Variants in SLC4A7 observed in about 807,000 individuals in gnomAD.
The protein encoded by SLC4A7 is solute carrier family 4 member 7, also known as sodium bicarbonate cotransporter 3.
Under a neutral mutation model 137.6 loss-of-function variants are expected in SLC4A7, and 51 were observed. The ratio of observed to expected loss-of-function variants is 0.37; its 90% CI spans 0.30 to 0.47. SLC4A7 has a LOEUF of 0.47. SLC4A7 is among the 20% of genes least tolerant of loss of function. SLC4A7 has a pLI of 1.00. For synonymous variants in SLC4A7, 542 were observed against 518.6 expected (o/e 1.05, Z -0.61); for missense variants, 1,247 against 1,525.4 (o/e 0.82, Z 3.04).
At chr3:27,478,877 C>T (rs1269809514) in intron 1 of SLC4A7, among the ~76,000 whole-genome samples, 1 of 150,754 alleles carries the variant, frequency 6.6e-6, no homozygotes, top group Non-Finnish European at 1.5e-5. Context: ...TGGTGGCACA[C>T]CCCTGTAATC....
chr3:27,398,604 C>G (rs2052440489), intron 16 of SLC4A7, among the ~76,000 whole-genome samples: 1 of 152,064 alleles, frequency 6.6e-6, no homozygotes. Flanking sequence ...AGTATTTTGC[C>G]AAGTCACTTC....
chr3:27,434,599 T>C (rs2056590325), intron 5 of SLC4A7, among the ~76,000 whole-genome samples: 1 of 152,032 alleles, frequency 6.6e-6, no homozygotes, highest in Non-Finnish European at 1.5e-5. Context: ...CTTCGAGAGG[T>C]AGAGAAACCA....
In SLC4A7 at chr3:27,394,725, C is replaced by A. The variant is rs1007487208; in HGVS notation, c.2910G>T (p.Met970Ile). The A allele has an allele frequency of 5.6e-6, 9 of 1,614,208 alleles. No homozygotes were observed. The highest frequency in any genetic ancestry group is 7.6e-6 in the Non-Finnish European group (9 of 1,180,024). ...GTCCCATGACAGAGCAAACTCCCAA[C>A]ATAACGCCAACCATGAGCAAATCAA... is the stretch of plus-strand genomic sequence containing the variant. ...YHLDLLMVGV[M>I]LGVCSVMGLP... is the part of the protein sequence containing the mutation. Residue 970 changes from methionine (M) to isoleucine (I), a missense_variant, in exon 20 of 26, where the codon ATG becomes ATT. Met to Ile is a conservative substitution (Grantham distance 10). Transcript: ENST00000454389.
chr3:27,460,236 G>T (rs963605554), intron 1 of SLC4A7, among the ~76,000 whole-genome samples: 3 of 151,880 alleles, frequency 2.0e-5, no homozygotes, highest in Non-Finnish European at 4.4e-5. Context: ...GTTTCTCCAT[G>T]TTGGCTAGGC....
intron 16 of SLC4A7, among the ~76,000 whole-genome samples, chr3:27,400,273 A>C (rs752469555): frequency 1.3e-5 from 2 of 152,148 alleles, no homozygotes; most frequent in Non-Finnish European, 2.9e-5. Flanking sequence ...TCTTCCCTTA[A>C]TGTTCGACCC....
Position 27,376,626 on chromosome 3 carries a change from C to T in SLC4A7, c.*138G>A. ...TACATAGTCTCCACGGTGCTCATTA[C>T]AAACTCCAGACACTACTTTTAAAAA... is the stretch of plus-strand genomic sequence containing the variant. On this transcript the variant is annotated 3_prime_UTR_variant, in exon 26 of 26. Transcript: ENST00000454389. 1 of 502,218 alleles carries T rather than the reference C, an allele frequency of 2.0e-6. No individual in the cohort carries two copies. Among genetic ancestry groups the T allele is most frequent in the Non-Finnish European group, 3.6e-6 (1 of 278,378 alleles). The allele number at this position is 502,218 out of a possible 1,614,324, so 31.1% of individuals were successfully genotyped here.
chr3:27,436,323 T>C (rs2056737172), intron 5 of SLC4A7, 65 bp downstream of exon 5: 9 of 1,223,438 alleles, frequency 7.4e-6, no homozygotes, highest in Non-Finnish European at 1.1e-5. Context: ...AGCATATAGT[T>C]GTTAAATGAA....
Position 27,375,655 on chromosome 3 carries a change from TTACTC to T in SLC4A7, c.*1104_*1108del, listed in dbSNP as rs1394573051. ...AGCACCAACTATTTACATTAACAAT[TTACTC>T]TATTTGTTACTTTTCCAAATGTTTA... On this transcript the variant is annotated 3_prime_UTR_variant, in exon 26 of 26. Coordinates refer to ENST00000454389, the MANE Select transcript of SLC4A7 (RefSeq NM_001321103.2). 6.6e-5 allele frequency: 10 copies of T among 152,418 alleles called. No individual in the cohort carries two copies. The highest frequency in any genetic ancestry group is 2.1e-4 in the South Asian group (1 of 4,828). 9.4% of individuals were successfully genotyped at this position (152,418 alleles called of 1,614,324 possible).
chr3:27,405,118 T>C (rs1028636866), intron 13 of SLC4A7, among the ~76,000 whole-genome samples, 155 bp from the exon 14 acceptor site: 1 of 152,148 alleles, frequency 6.6e-6, no homozygotes, highest in African/African-American at 2.4e-5. Flanking sequence ...ATATAAAAAA[T>C]TACAAATACA....
intron 12 of SLC4A7, among the ~76,000 whole-genome samples, chr3:27,409,751 G>A (rs34098124): frequency 1.2e-4 from 19 of 152,086 alleles, no homozygotes; most frequent in Middle Eastern, 3.4e-3. Flanking sequence ...TGTATTTTAC[G>A]GACTATATAA....
At chr3:27,461,235 C>A (rs1021886254) in intron 1 of SLC4A7, among the ~76,000 whole-genome samples, 16 of 138,374 alleles carry the variant, frequency 1.2e-4, no homozygotes, top group South Asian at 4.7e-4. Context: ...CACACACACA[C>A]AAAACACATT....
Position 27,427,261 on chromosome 3 carries a change from T to C in SLC4A7, c.1151-3109A>G, listed in dbSNP as rs191938316. On this transcript the variant is annotated intron_variant, in intron 7 of 25. Coordinates refer to ENST00000454389, the MANE Select transcript of SLC4A7 (RefSeq NM_001321103.2). ...GCCTAAAATGTCAATAGTGCCAAGATTGAGAACCACTGAGTTAGAAAAAGG... is the reference window on the plus strand; with the variant it reads ...GCCTAAAATGTCAATAGTGCCAAGACTGAGAACCACTGAGTTAGAAAAAGG... Among the ~76,000 whole-genome samples the C allele has an allele frequency of 1.1e-3, 173 of 152,016 alleles. 2 individuals are homozygous for C. The highest frequency in any genetic ancestry group is 6.6e-3 in the East Asian group (34 of 5,160).
intron 3 of SLC4A7, among the ~76,000 whole-genome samples, chr3:27,438,303 G>C (rs539368425): frequency 6.6e-6 from 1 of 150,560 alleles, no homozygotes; most frequent in Non-Finnish European, 1.5e-5. Flanking sequence ...TCAGCAGTTG[G>C]AGACCAACCT....
chr3:27,411,547 C>T (rs1049524112), intron 12 of SLC4A7, 95 bp downstream of exon 12: 2 of 519,260 alleles, frequency 3.9e-6, no homozygotes, highest in South Asian at 7.8e-5. Flanking sequence ...AAATACTGTA[C>T]AAGATTAGGT....
intron 12 of SLC4A7, 44 bp from the exon 13 acceptor site, chr3:27,409,574 T>C (rs766639830): frequency 2.0e-6 from 3 of 1,476,330 alleles, no homozygotes; most frequent in Non-Finnish European, 2.7e-6. Flanking sequence ...CACTAGAGGA[T>C]TCTAGCTACT....
intron 8 of SLC4A7, chr3:27,423,710 G>C (rs1318152307): frequency 4.9e-6 from 1 of 205,008 alleles, no homozygotes; most frequent in African/African-American, 2.4e-5. Context: ...GGTAGCTCCA[G>C]AACAAATGAC....
chr3:27,468,355 A>T lies in SLC4A7; in HGVS notation c.60+15712T>A, dbSNP rs190066059. 1.1e-4 allele frequency among the ~76,000 whole-genome samples: 16 copies of T among 152,354 alleles called. No individual in the cohort carries two copies. In the East Asian group the frequency reaches 2.9e-3, roughly 28 times the overall value. On this transcript the variant is annotated intron_variant, in intron 1 of 25. Coordinates refer to ENST00000454389, the MANE Select transcript of SLC4A7 (RefSeq NM_001321103.2). ...AGGATAAAATTAAGACTAGATACTG[A>T]AAAACTGTACATAAACATATGCAAT...
At position 27,445,840 on chromosome 3, in the gene SLC4A7, G is replaced by C. The variant is rs1338958424; in HGVS notation, c.289+2811C>G. Among the ~76,000 whole-genome samples, 3 of 144,222 alleles carry C rather than the reference G, an allele frequency of 2.1e-5. No individual in the cohort carries two copies. In the East Asian group the frequency reaches 6.3e-4, roughly 30 times the overall value. The allele number at this position is 144,222 out of a possible 152,430, so 94.6% of individuals were successfully genotyped here. On this transcript the variant is annotated intron_variant, in intron 3 of 25. Coordinates refer to ENST00000454389, the MANE Select transcript of SLC4A7 (RefSeq NM_001321103.2). ...CCAGCTACTTGGGAGGCTGAGGCAG[G>C]AGAATTGCTTGAACCTGGGAGGCAG...
chr3:27,422,271 T>C (rs1290284130), intron 8 of SLC4A7, among the ~76,000 whole-genome samples: 2 of 152,208 alleles, frequency 1.3e-5, no homozygotes, highest in Non-Finnish European at 2.9e-5. Context: ...TTTTATTTCA[T>C]TAGTAGTATT....
Sources: allele counts gnomAD v4.1 joint callset (sites outside exome capture counted in the v4.1 genomes callset), GRCh38; gene constraint gnomAD v4.1.1; transcripts MANE v1.5; gene names NCBI Gene and HGNC (gene_info 2026-07-23, HGNC 2026-07-21).